ENTREP2: variants seen among roughly 807,000 people sequenced by gnomAD.
ENTREP2 encodes the protein endosomal transmembrane epsin interactor 2.
At chr15:29,370,669 T>C in the ENTREP2 span, among the ~76,000 whole-genome samples, 1 of 152,124 alleles carries the variant, frequency 6.6e-6, no homozygotes, top group Non-Finnish European at 1.5e-5. Flanking sequence ...CCCGGCCCTA[T>C]GCCAAGAAAT....
the ENTREP2 span, among the ~76,000 whole-genome samples, chr15:29,408,468 C>T: frequency 3.3e-5 from 5 of 152,132 alleles, no homozygotes; most frequent in Admixed American, 1.3e-4. Flanking sequence ...TGGGGATATA[C>T]AGGACTCTAC....
chr15:29,642,540 T>C, the ENTREP2 span, among the ~76,000 whole-genome samples: 3 of 148,022 alleles, frequency 2.0e-5, no homozygotes, highest in African/African-American at 7.4e-5. Flanking sequence ...ATATATCATA[T>C]GTACATATAT....
chr15:29,481,478 A>T, the ENTREP2 span, among the ~76,000 whole-genome samples: 1 of 152,176 alleles, frequency 6.6e-6, no homozygotes, highest in Non-Finnish European at 1.5e-5. Flanking sequence ...CAGACTGATT[A>T]TACAAAAAAA....
chr15:29,172,889 G>T, the ENTREP2 span, among the ~76,000 whole-genome samples: 9 of 152,092 alleles, frequency 5.9e-5, no homozygotes, highest in African/African-American at 2.2e-4. Flanking sequence ...TCCCTGTCAG[G>T]ACACCTGTTT....
At chr15:29,264,304 G>A in the ENTREP2 span, among the ~76,000 whole-genome samples, 14 of 152,126 alleles carry the variant, frequency 9.2e-5, no homozygotes, top group African/African-American at 3.4e-4. Flanking sequence ...AATATGTAAT[G>A]ATAATAAAAG....
chr15:29,536,140 G>T, the ENTREP2 span, among the ~76,000 whole-genome samples: 1 of 152,168 alleles, frequency 6.6e-6, no homozygotes, highest in African/African-American at 2.4e-5. Flanking sequence ...TTGGTTCAGG[G>T]ATGATCACAT....
At chr15:29,137,066 C>T in the ENTREP2 span, 2 of 1,456,206 alleles carry the variant, frequency 1.4e-6, no homozygotes, top group East Asian at 2.9e-5. Context: ...TGCAGGTGTA[C>T]TCTGGGGGGT....
At chr15:29,146,365 C>T in the ENTREP2 span, among the ~76,000 whole-genome samples, 3 of 152,140 alleles carry the variant, frequency 2.0e-5, no homozygotes, top group Non-Finnish European at 4.4e-5. Context: ...TCAAAAACTA[C>T]AGAACTGGAG....
the ENTREP2 span, among the ~76,000 whole-genome samples, chr15:29,489,257 G>C: frequency 6.6e-6 from 1 of 152,160 alleles, no homozygotes; most frequent in Non-Finnish European, 1.5e-5. Context: ...CTGCCTGGCC[G>C]AGAGAAATAT....
the ENTREP2 span, chr15:29,611,112 AT>A: frequency 6.6e-6 from 1 of 152,232 alleles, no homozygotes; most frequent in East Asian, 1.9e-4. Context: ...CTATAGAAAC[AT>A]TTCTCAAACA....
the ENTREP2 span, among the ~76,000 whole-genome samples, chr15:29,176,474 A>C: frequency 2.7e-4 from 41 of 152,328 alleles, no homozygotes; most frequent in Non-Finnish European, 4.9e-4. Flanking sequence ...GGAAGTGGGA[A>C]GAGGCCAGAG....
At chr15:29,495,580 A>C in the ENTREP2 span, among the ~76,000 whole-genome samples, 1 of 151,928 alleles carries the variant, frequency 6.6e-6, no homozygotes, top group South Asian at 2.1e-4. Context: ...GTGTCAGATA[A>C]CTCTCCAATT....
the ENTREP2 span, among the ~76,000 whole-genome samples, chr15:29,346,060 G>C: frequency 6.6e-6 from 1 of 152,226 alleles, no homozygotes; most frequent in Non-Finnish European, 1.5e-5. Flanking sequence ...GAGCAGCAGA[G>C]CCAAGCATCC....
chr15:29,638,886 G>A, the ENTREP2 span, among the ~76,000 whole-genome samples: 2 of 152,204 alleles, frequency 1.3e-5, no homozygotes, highest in Non-Finnish European at 2.9e-5. Context: ...CCAATCTGAG[G>A]AGTGTGAGCC....
the ENTREP2 span, among the ~76,000 whole-genome samples, chr15:29,366,208 G>C: frequency 6.6e-6 from 1 of 152,014 alleles, no homozygotes; most frequent in African/African-American, 2.4e-5. Flanking sequence ...TGAGTAGCTG[G>C]GACTACAGGT....
chr15:29,415,011 T>C, the ENTREP2 span, among the ~76,000 whole-genome samples: 2 of 152,164 alleles, frequency 1.3e-5, no homozygotes, highest in South Asian at 2.1e-4. Context: ...CAATAATTAA[T>C]AGCTTACCAA....
the ENTREP2 span, among the ~76,000 whole-genome samples, chr15:29,619,629 C>T: frequency 1.3e-5 from 2 of 152,030 alleles, no homozygotes; most frequent in Non-Finnish European, 2.9e-5. Flanking sequence ...CAAAGTGTCA[C>T]CTGTCTCATT....
chr15:29,632,405 T>C, the ENTREP2 span, among the ~76,000 whole-genome samples: 1 of 152,192 alleles, frequency 6.6e-6, no homozygotes, highest in African/African-American at 2.4e-5. Context: ...TGGATTTTTT[T>C]CCTCAGAATG....
chr15:29,272,064 T>C, the ENTREP2 span, among the ~76,000 whole-genome samples: 1 of 152,146 alleles, frequency 6.6e-6, no homozygotes, highest in Non-Finnish European at 1.5e-5. Flanking sequence ...CACGCTTACC[T>C]AGATAGCAGA....
Sources: allele counts gnomAD v4.1 joint callset (sites outside exome capture counted in the v4.1 genomes callset), GRCh38; gene constraint gnomAD v4.1.1; transcripts MANE v1.5; gene names NCBI Gene and HGNC (gene_info 2026-07-23, HGNC 2026-07-21).